Variants in NCAN observed in about 807,000 individuals in gnomAD.
The protein encoded by NCAN is neurocan.
In NCAN, 47 loss-of-function variants were observed where a neutral mutation model predicts 121.8. That is an observed-to-expected ratio of 0.39 (90% CI 0.31 to 0.49). NCAN has a LOEUF of 0.49. Ranked by LOEUF, NCAN falls within the 20% of genes least tolerant of loss-of-function variation. The pLI is 0.92. For missense variants in NCAN, 1,517 were observed against 1,773.4 expected, an observed-to-expected ratio of 0.86 and a Z score of 2.60; for synonymous variants, 633 against 702.0, an observed-to-expected ratio of 0.90 and a Z score of 1.55.
At position 19,219,085 on chromosome 19, in the gene NCAN, C is replaced by T. The variant is rs377747918; in HGVS notation, c.244C>T (p.Arg82Trp). The T allele has an allele frequency of 7.4e-5, 119 of 1,611,414 alleles. No homozygotes were observed. In the East Asian group the frequency reaches 2.0e-3, roughly 27 times the overall value. The change falls in exon 3 of 15, where the codon CGG (arginine) becomes TGG (tryptophan). Residue 82 changes from arginine to tryptophan, a missense_variant. Arg to Trp is a moderately radical substitution (Grantham distance 101). Coordinates refer to ENST00000252575, the MANE Select transcript of NCAN (RefSeq NM_004386.3). ...CCCTCGGATAAAGTGGACCAAGGTG[C>T]GGACTGCGTCGGGCCAGCGACAGGA... Reference protein sequence around the residue: ...DAPRIKWTKVRTASGQRQDLP... With the variant: ...DAPRIKWTKVWTASGQRQDLP...
intron 8 of NCAN, 61 bp from the exon 9 acceptor site, chr19:19,233,728 T>C (rs2060870166): frequency 9.0e-7 from 1 of 1,108,474 alleles, no homozygotes; most frequent in Non-Finnish European, 1.4e-6. Context: ...GGGGTCTTGA[T>C]TCCAGGAAGG....
At position 19,219,424 on chromosome 19, in the gene NCAN, GT is replaced by G. The variant is rs200441595; in HGVS notation, c.475+109del. 4.9e-4 allele frequency: 585 copies of G among 1,203,590 alleles called. 1 individual carries two copies. In the African/African-American group the frequency reaches 7.1e-3, roughly 15 times the overall value. The allele number at this position is 1,203,590 out of a possible 1,614,324, so 74.6% of individuals were successfully genotyped here. A position where few individuals can be genotyped will look rare whatever the true frequency, so the allele number is the denominator to read the frequency against. On this transcript the variant is annotated intron_variant, in intron 3 of 14. Transcript: ENST00000252575. ...AAATCACTCCCTGAGACCTGGCCTG[GT>G]GTCTCATGCCTGTAATCCCAGCACT...
At chr19:19,224,643 C>G (rs2060828748) in intron 5 of NCAN, among the ~76,000 whole-genome samples, 2 of 149,914 alleles carry the variant, frequency 1.3e-5, no homozygotes, top group African/African-American at 4.9e-5. Context: ...TCTCTCTGAT[C>G]CTCTTTCCCT....
intron 8 of NCAN, 49 bp downstream of exon 8, chr19:19,228,688 T>A: frequency 1.3e-6 from 2 of 1,544,528 alleles, no homozygotes; most frequent in Non-Finnish European, 1.8e-6. Context: ...GGTCAGGGCT[T>A]GGGGAGCAGG....
chr19:19,219,465 C>A, intron 3 of NCAN, 149 bp downstream of exon 3: 2 of 860,562 alleles, frequency 2.3e-6, no homozygotes, highest in Non-Finnish European at 1.7e-6. Flanking sequence ...CAGGCCAAGG[C>A]GGGTGGATTG....
chr19:19,247,747 T>C (rs1222283005), intron 13 of NCAN, among the ~76,000 whole-genome samples: 1 of 152,194 alleles, frequency 6.6e-6, no homozygotes, highest in Non-Finnish European at 1.5e-5. Flanking sequence ...CATTGTGCCC[T>C]ATGTTTGGTG....
rs1179795778 is a variant in NCAN at position 19,251,765 on chromosome 19, T to C, written c.*1854T>C. 1 of 152,254 alleles carries C rather than the reference T, an allele frequency of 6.6e-6. No individual in the cohort carries two copies. Among genetic ancestry groups the C allele is most frequent in the Non-Finnish European group, 1.5e-5 (1 of 68,038 alleles). 9.4% of individuals were successfully genotyped at this position (152,254 alleles called of 1,614,324 possible). On this transcript the variant is annotated 3_prime_UTR_variant, in exon 15 of 15. Coordinates refer to ENST00000252575, the MANE Select transcript of NCAN (RefSeq NM_004386.3). The stretch of plus-strand genomic sequence containing the variant: ...CTCCCTGTAGACATCTATCTTATTA[T>C]GGTTATTATTCAGAAAACCCAGGGA...
intron 10 of NCAN, among the ~76,000 whole-genome samples, 154 bp downstream of exon 10, chr19:19,235,250 A>G (rs1266782323): frequency 6.6e-6 from 1 of 152,164 alleles, no homozygotes; most frequent in Non-Finnish European, 1.5e-5. Flanking sequence ...TGTGCGTAAC[A>G]TAGAATTAAC....
Position 19,227,192 on chromosome 19 carries a change from C to T in NCAN, c.1661-89C>T. ...TCCAAATCCCAGCTGGGTCCTCTGG[C>T]CCCAGAAGCCCCCTCTCCCTTGGGC... On this transcript the variant is annotated intron_variant, in intron 7 of 14. Coordinates refer to ENST00000252575, the MANE Select transcript of NCAN (RefSeq NM_004386.3). This position sits in a 1 kb window ranked among gnomAD's most constrained non-coding sequence, Gnocchi z 4.2. 3 of 1,487,748 alleles carry T rather than the reference C, an allele frequency of 2.0e-6. No individual in the cohort carries two copies. The highest frequency in any genetic ancestry group is 1.4e-5 in the South Asian group (1 of 72,638). The allele number at this position is 1,487,748 out of a possible 1,614,324, so 92.2% of individuals were successfully genotyped here. A position where few individuals can be genotyped will look rare whatever the true frequency, so the allele number is the denominator to read the frequency against.
In NCAN at chr19:19,250,036, A is replaced by C. The variant is rs748417287; in HGVS notation, c.*125A>C. The C allele has an allele frequency of 6.2e-6, 6 of 968,854 alleles. No homozygotes were observed. The highest frequency in any genetic ancestry group is 2.6e-5 in the East Asian group (1 of 38,352). 60.0% of individuals were successfully genotyped at this position (968,854 alleles called of 1,614,324 possible). On this transcript the variant is annotated 3_prime_UTR_variant, in exon 15 of 15. Coordinates refer to ENST00000252575, the MANE Select transcript of NCAN (RefSeq NM_004386.3). Reference sequence around the variant, plus strand: ...CCCTGAACCCCAAACCACATCCCCCACACACATAATCCTTTGTACAAAGCT... The same window carrying C: ...CCCTGAACCCCAAACCACATCCCCCCCACACATAATCCTTTGTACAAAGCT...
At chr19:19,242,175 AC>A (rs1015051328) in intron 12 of NCAN, among the ~76,000 whole-genome samples, 1 of 152,096 alleles carries the variant, frequency 6.6e-6, no homozygotes, top group Non-Finnish European at 1.5e-5. Context: ...AGCCTGGGCA[AC>A]AGAGCAGGAC....
At chr19:19,213,163 C>A (rs937841138) in intron 1 of NCAN, among the ~76,000 whole-genome samples, 11 of 152,096 alleles carry the variant, frequency 7.2e-5, no homozygotes, top group African/African-American at 2.4e-5. Context: ...GGGGTGGGTG[C>A]ACTGTGGGAC....
At chr19:19,215,671 C>T (rs1477265740) in intron 1 of NCAN, among the ~76,000 whole-genome samples, 4 of 152,126 alleles carry the variant, frequency 2.6e-5, no homozygotes, top group Non-Finnish European at 4.4e-5. Context: ...ATCCCAGAAA[C>T]CAAGAATAGA....
chr19:19,217,272 GA>G (rs2060799380), intron 2 of NCAN, among the ~76,000 whole-genome samples: 1 of 152,200 alleles, frequency 6.6e-6, no homozygotes, highest in Non-Finnish European at 1.5e-5. Context: ...GAACTGGAGA[GA>G]AAGAAAGAAA....
chr19:19,228,207 G>A lies in NCAN; in HGVS notation c.2587G>A (p.Val863Met). ...EAESTTLSPQ[V>M]ALDTSIVTPL... Reference sequence around the variant, plus strand: ...CGAAAGCACCACCTTGAGCCCTCAGGTGGCCCTGGATACAAGCATTGTGAC... The same window carrying A: ...CGAAAGCACCACCTTGAGCCCTCAGATGGCCCTGGATACAAGCATTGTGAC... The change falls in exon 8 of 15, where the codon GTG becomes ATG. Residue 863 changes from valine (V) to methionine (M), a missense_variant. Val to Met is a conservative substitution (Grantham distance 21, BLOSUM62 1). Transcript: ENST00000252575. 6.2e-7 allele frequency: 1 copy of A among 1,613,940 alleles called. No homozygotes were observed. Among genetic ancestry groups the A allele is most frequent in the Non-Finnish European group, 8.5e-7 (1 of 1,180,028 alleles).
At chr19:19,240,774 C>A in intron 12 of NCAN, 89 bp downstream of exon 12, 1 of 1,323,798 alleles carries the variant, frequency 7.6e-7, no homozygotes, top group Non-Finnish European at 1.1e-6. Flanking sequence ...AAAGTTATCG[C>A]AATTGGGTGT....
At chr19:19,229,123 G>C (rs774899335) in intron 8 of NCAN, among the ~76,000 whole-genome samples, 1 of 152,202 alleles carries the variant, frequency 6.6e-6, no homozygotes, top group Non-Finnish European at 1.5e-5. Flanking sequence ...CATAAGAATC[G>C]CTTGAACCCG....
chr19:19,222,360 C>T (rs1004034574), intron 3 of NCAN, among the ~76,000 whole-genome samples: 26 of 152,134 alleles, frequency 1.7e-4, no homozygotes, highest in Non-Finnish European at 2.1e-4. Flanking sequence ...GCTCACTGCA[C>T]CTCTGCCTCG....
chr19:19,228,679 G>A (rs1281384394), intron 8 of NCAN, 40 bp downstream of exon 8: 25 of 1,560,142 alleles, frequency 1.6e-5, no homozygotes, highest in Non-Finnish European at 2.1e-5. Context: ...GCTCTCCATG[G>A]TCAGGGCTTG....
Sources: allele counts gnomAD v4.1 joint callset (sites outside exome capture counted in the v4.1 genomes callset), GRCh38; gene constraint gnomAD v4.1.1; non-coding constraint Gnocchi (gnomAD v3.1); transcripts MANE v1.5; gene names NCBI Gene and HGNC (gene_info 2026-07-23, HGNC 2026-07-21).